The following KLHL1 variants were observed in gnomAD, a reference collection of about 807,000 sequenced individuals.
The protein encoded by KLHL1 is kelch like family member 1.
KLHL1 carries 47 observed loss-of-function variants against 77.7 expected under a neutral mutation model. The observed-to-expected ratio is 0.60, with a 90% CI of 0.48 to 0.77. The LOEUF (loss-of-function observed/expected upper bound fraction) is 0.77, where lower values mean the gene tolerates loss of function less well. Among genes scored for constraint, KLHL1 ranks in the 30% least tolerant of loss-of-function variants. The pLI is 0.00. For synonymous variants in KLHL1, 360 were observed against 325.2 expected, an observed-to-expected ratio of 1.11 and a Z score of -1.15; for missense variants, 925 against 910.8, an observed-to-expected ratio of 1.02 and a Z score of -0.20.
chr13:69,842,341 TCAA>T (rs1368327714), intron 5 of KLHL1, among the ~76,000 whole-genome samples: 1 of 151,426 alleles, frequency 6.6e-6, no homozygotes, highest in African/African-American at 2.4e-5. Context: ...AAAAAACAAC[TCAA>T]CAAGAAAAAA....
At chr13:69,797,461 T>G (rs981086261) in intron 6 of KLHL1, among the ~76,000 whole-genome samples, 2 of 152,176 alleles carry the variant, frequency 1.3e-5, no homozygotes, top group African/African-American at 4.8e-5. Context: ...TAAAAGTCAA[T>G]TGTAAGATAT....
chr13:69,860,387 T>G (rs1266437887), intron 5 of KLHL1, among the ~76,000 whole-genome samples: 1 of 152,008 alleles, frequency 6.6e-6, no homozygotes, highest in Non-Finnish European at 1.5e-5. Flanking sequence ...AAGAGAATGT[T>G]AGTGGCATTG....
intron 1 of KLHL1, among the ~76,000 whole-genome samples, chr13:70,004,210 A>C (rs2137329118): frequency 6.6e-6 from 1 of 152,020 alleles, no homozygotes; most frequent in Non-Finnish European, 1.5e-5. Context: ...AAGGTTGGAA[A>C]TAGAGCCAAA....
At chr13:69,999,094 A>G (rs1593662801) in intron 1 of KLHL1, among the ~76,000 whole-genome samples, 1 of 152,214 alleles carries the variant, frequency 6.6e-6, no homozygotes, top group East Asian at 1.9e-4. Flanking sequence ...ATAACAGGAT[A>G]TATTATCTAC....
chr13:70,084,745 A>G (rs945942223), intron 1 of KLHL1, among the ~76,000 whole-genome samples: 18 of 148,116 alleles, frequency 1.2e-4, no homozygotes, highest in African/African-American at 4.0e-4. Flanking sequence ...AAAGTGCTGG[A>G]ATTACAGGCG....
intron 9 of KLHL1, among the ~76,000 whole-genome samples, chr13:69,712,553 T>C (rs557881830): frequency 6.6e-6 from 1 of 152,184 alleles, no homozygotes; most frequent in South Asian, 2.1e-4. Flanking sequence ...TTATAGTGTA[T>C]TGTTACTACA....
At chr13:69,980,783 G>A (rs1566469070) in intron 1 of KLHL1, among the ~76,000 whole-genome samples, 2 of 151,984 alleles carry the variant, frequency 1.3e-5, no homozygotes, top group African/African-American at 2.4e-5. Context: ...TACTGCTTGT[G>A]GGGTGGGGTT....
chr13:69,747,541 G>T (rs1199405599), intron 7 of KLHL1, among the ~76,000 whole-genome samples: 1 of 151,936 alleles, frequency 6.6e-6, no homozygotes, highest in Non-Finnish European at 1.5e-5. Flanking sequence ...GCAAACCATT[G>T]TAATTGATAT....
chr13:69,806,669 C>A (rs947530328), intron 6 of KLHL1, among the ~76,000 whole-genome samples: 1 of 152,176 alleles, frequency 6.6e-6, no homozygotes, highest in African/African-American at 2.4e-5. Context: ...AAACCCTTGA[C>A]CAACCACTAG....
rs573022973 is a variant in KLHL1 at position 69,700,644 on chromosome 13, C to T, written c.*1058G>A. On this transcript the variant is annotated 3_prime_UTR_variant, in exon 11 of 11. Transcript: ENST00000377844. ...TAATTGTAATTAAAATTTACATGGG[C>T]CTATTTATTAAGGACATTGTGTAAT... The T allele has an allele frequency of 6.6e-6, 1 of 152,248 alleles. No individual in the cohort carries two copies. The highest frequency in any genetic ancestry group is 1.9e-4 in the East Asian group (1 of 5,148). The allele number at this position is 152,248 out of a possible 1,614,324, so 9.4% of individuals were successfully genotyped here.
At chr13:69,913,156 CT>C (rs1481387998) in intron 4 of KLHL1, among the ~76,000 whole-genome samples, 1 of 152,084 alleles carries the variant, frequency 6.6e-6, no homozygotes, top group African/African-American at 2.4e-5. Context: ...AGATTAAGAC[CT>C]TTTTGTTTTT....
At position 69,758,248 on chromosome 13, in the gene KLHL1, A is replaced by C. The variant is rs142717192; in HGVS notation, c.1640-17692T>G. ...TTGTTCAAAAGATAAACCAATTTTT[A>C]CTTTTATATTAGTGTATTATCAATA... On this transcript the variant is annotated intron_variant, in intron 7 of 10. Coordinates refer to ENST00000377844, the MANE Select transcript of KLHL1 (RefSeq NM_020866.3). 1.2e-3 allele frequency among the ~76,000 whole-genome samples: 188 copies of C among 152,162 alleles called. No individual in the cohort carries two copies. In the East Asian group the frequency reaches 0.029, roughly 23 times the overall value.
intron 6 of KLHL1, among the ~76,000 whole-genome samples, chr13:69,819,405 A>G (rs1390559240): frequency 6.6e-6 from 1 of 152,198 alleles, no homozygotes; most frequent in Non-Finnish European, 1.5e-5. Flanking sequence ...TGGGAAATTA[A>G]GCTTTTATTT....
In KLHL1 at chr13:70,069,815, G is replaced by A. The variant is rs1006758204; in HGVS notation, c.497+37388C>T. Among the ~76,000 whole-genome samples the A allele has an allele frequency of 7.3e-5, 11 of 151,352 alleles. 1 individual carries two copies. Among genetic ancestry groups the A allele is most frequent in the African/African-American group, 2.7e-4 (11 of 40,774 alleles). ...AAAAAATATAAAATCCAAAGCTGTG[G>A]GACAATTACAAAAGATGTGGCATAT... On this transcript the variant is annotated intron_variant, in intron 1 of 10. Transcript: ENST00000377844.
In KLHL1 at chr13:69,868,416, C is replaced by A. The variant is rs541886667; in HGVS notation, c.1227+13867G>T. On this transcript the variant is annotated intron_variant, in intron 5 of 10. Transcript: ENST00000377844. The stretch of plus-strand genomic sequence containing the variant: ...GTTAGAGAAAAATGACATGGACATA[C>A]ATTTTTTTAGATGATGGTGATAATG... Among the ~76,000 whole-genome samples the A allele has an allele frequency of 5.6e-3, 858 of 151,940 alleles. 8 individuals carry two copies. The highest frequency in any genetic ancestry group is 0.02 in the African/African-American group (829 of 41,470).
chr13:69,780,491 C>A (rs1876084745), intron 7 of KLHL1, among the ~76,000 whole-genome samples: 1 of 151,498 alleles, frequency 6.6e-6, no homozygotes, highest in Admixed American at 6.6e-5. Context: ...AACAAGTACT[C>A]CTTTCAAGAC....
chr13:69,776,925 G>T (rs968088228), intron 7 of KLHL1, among the ~76,000 whole-genome samples: 4 of 151,632 alleles, frequency 2.6e-5, no homozygotes, highest in Non-Finnish European at 5.9e-5. Flanking sequence ...ATAATAAAAG[G>T]TTATCAGGTT....
At chr13:69,724,241 G>T (rs1416618705) in intron 8 of KLHL1, among the ~76,000 whole-genome samples, 1 of 152,018 alleles carries the variant, frequency 6.6e-6, no homozygotes, top group African/African-American at 2.4e-5. Context: ...GCATGTAATG[G>T]TTGATGTATT....
intron 1 of KLHL1, among the ~76,000 whole-genome samples, chr13:70,002,679 A>G (rs1244401107): frequency 2.0e-5 from 3 of 151,720 alleles, no homozygotes; most frequent in African/African-American, 7.2e-5. Flanking sequence ...ACAAAAGCAT[A>G]AGTTGTTCAA....
Sources: allele counts gnomAD v4.1 joint callset (sites outside exome capture counted in the v4.1 genomes callset), GRCh38; gene constraint gnomAD v4.1.1; transcripts MANE v1.5; gene names NCBI Gene and HGNC (gene_info 2026-07-23, HGNC 2026-07-21).